Variants in PTPN14 observed in about 807,000 individuals in gnomAD.
PTPN14 encodes the protein protein tyrosine phosphatase non-receptor type 14.
PTPN14 carries 53 observed loss-of-function variants against 126.8 expected under a neutral mutation model. That is an observed-to-expected ratio of 0.42 (90% CI 0.34 to 0.53). The LOEUF (loss-of-function observed/expected upper bound fraction) is 0.53. PTPN14 is among the 20% of genes least tolerant of loss of function. The probability of loss-of-function intolerance (pLI) is 0.08; values close to 1 mark genes in which losing one functional copy is unlikely to be tolerated. For missense variants in PTPN14, 1,257 were observed against 1,552.9 expected, an observed-to-expected ratio of 0.81 and a Z score of 3.20; for synonymous variants, 630 against 599.3, an observed-to-expected ratio of 1.05 and a Z score of -0.75.
At chr1:214,498,550 T>C (rs1258301418) in intron 1 of PTPN14, among the ~76,000 whole-genome samples, 3 of 151,906 alleles carry the variant, frequency 2.0e-5, no homozygotes, top group South Asian at 4.2e-4. Flanking sequence ...AAAAAGAGAA[T>C]CAAATATGAT....
In PTPN14 at chr1:214,551,321, A is replaced by T. The variant is rs1489682461; in HGVS notation, c.-293T>A. The stretch of plus-strand genomic sequence containing the variant: ...AAGGGAAGGAGCCGCAGGAGGCGAA[A>T]GGGGAGGGAGGTTTCCGCCGCGATC... On this transcript the variant is annotated 5_prime_UTR_variant, in exon 1 of 19. Transcript: ENST00000366956. The T allele has an allele frequency of 6.6e-6, 1 of 152,546 alleles. No homozygotes were observed. The highest frequency in any genetic ancestry group is 1.5e-5 in the Non-Finnish European group (1 of 68,324). The allele number at this position is 152,546 out of a possible 1,614,324, so 9.4% of individuals were successfully genotyped here.
intron 1 of PTPN14, among the ~76,000 whole-genome samples, chr1:214,488,261 G>A (rs182727353): frequency 1.3e-5 from 2 of 152,190 alleles, no homozygotes; most frequent in Admixed American, 1.3e-4. Context: ...AGTAATTTGA[G>A]CCACATTTTT....
intron 2 of PTPN14, among the ~76,000 whole-genome samples, chr1:214,460,408 A>AAC (rs150101393): frequency 0.048 from 7,156 of 149,774 alleles, 213 homozygotes; most frequent in South Asian, 0.15. Flanking sequence ...ACACATACAC[A>AAC]ACACACACAC....
chr1:214,446,708 G>GAT (rs546138800), intron 3 of PTPN14, among the ~76,000 whole-genome samples: 109 of 151,526 alleles, frequency 7.2e-4, no homozygotes, highest in African/African-American at 2.4e-3. Flanking sequence ...TATGTGTCTT[G>GAT]ATATATATAT....
chr1:214,509,759 C>T (rs1010470882), intron 1 of PTPN14, among the ~76,000 whole-genome samples: 20 of 152,130 alleles, frequency 1.3e-4, no homozygotes, highest in Non-Finnish European at 1.9e-4. Context: ...CAATGATAGA[C>T]TGGATTAAGA....
At chr1:214,475,874 C>A (rs1660856024) in intron 1 of PTPN14, among the ~76,000 whole-genome samples, 1 of 152,204 alleles carries the variant, frequency 6.6e-6, no homozygotes, top group South Asian at 2.1e-4. Context: ...AGAGCTCCAT[C>A]TGAACCCATG....
chr1:214,385,518 G>A (rs1262126042), intron 12 of PTPN14, among the ~76,000 whole-genome samples: 2 of 151,680 alleles, frequency 1.3e-5, no homozygotes, highest in Admixed American at 1.3e-4. Flanking sequence ...TCTACAATCA[G>A]GCCCAACCTG....
At position 214,383,884 on chromosome 1, in the gene PTPN14, C is replaced by T. The variant is rs761909201; in HGVS notation, c.1971G>A (p.Thr657=). 9.9e-6 allele frequency: 16 copies of T among 1,613,080 alleles called. No homozygotes were observed. Among genetic ancestry groups the T allele is most frequent in the Admixed American group, 5.0e-5 (3 of 60,010 alleles). The change falls in exon 13 of 19, where the codon ACG becomes ACA. Residue 657 remains threonine, a synonymous_variant. Transcript: ENST00000366956. The surrounding 1 kb of genome is among the most constrained non-coding windows in gnomAD (Gnocchi z 4.4). ...NSMVRGMEAM[T]LKSLHLPMAR... is the part of the protein sequence containing the mutation. ...CCATGGGGAGGTGGAGCGACTTGAG[C>T]GTCATGGCCTCCATGCCCCGCACCA...
intron 1 of PTPN14, among the ~76,000 whole-genome samples, chr1:214,501,129 G>A (rs186392890): frequency 6.6e-6 from 1 of 152,214 alleles, no homozygotes; most frequent in African/African-American, 2.4e-5. Flanking sequence ...TCATGGAGCT[G>A]GGTAAAATGC....
intron 12 of PTPN14, among the ~76,000 whole-genome samples, chr1:214,386,371 A>C (rs1658609311): frequency 1.3e-5 from 2 of 152,212 alleles, no homozygotes; most frequent in African/African-American, 4.8e-5. Context: ...AGAGAAGAAA[A>C]AAGCAAGTGT....
Position 214,353,100 on chromosome 1 carries a change from C to T in PTPN14, c.*4822G>A, listed in dbSNP as rs1172595453. On this transcript the variant is annotated 3_prime_UTR_variant, in exon 19 of 19. Transcript: ENST00000366956. The stretch of plus-strand genomic sequence containing the variant: ...CCTGTACCCTCCATCCCCCCAACCC[C>T]CGCACCTCAAGGGATTGACAGATCT... 1 of 152,186 alleles carries T rather than the reference C, an allele frequency of 6.6e-6. No individual in the cohort carries two copies. Among genetic ancestry groups the T allele is most frequent in the African/African-American group, 2.4e-5 (1 of 41,436 alleles). The allele number at this position is 152,186 out of a possible 1,614,324, so 9.4% of individuals were successfully genotyped here.
chr1:214,390,980 A>G lies in PTPN14; in HGVS notation c.987+8T>C. On this transcript the variant is annotated splice_region_variant and intron_variant, in intron 11 of 18. Coordinates refer to ENST00000366956, the MANE Select transcript of PTPN14 (RefSeq NM_005401.5). ...AGATCACTTGATCACTGCAGCTTCTATACATACCAGAGAGGATCGGCTCCA... is the reference window on the plus strand; with the variant it reads ...AGATCACTTGATCACTGCAGCTTCTGTACATACCAGAGAGGATCGGCTCCA... 6.5e-7 allele frequency: 1 copy of G among 1,539,890 alleles called. No individual in the cohort carries two copies. Among genetic ancestry groups the G allele is most frequent in the South Asian group, 1.2e-5 (1 of 82,082 alleles).
intron 2 of PTPN14, among the ~76,000 whole-genome samples, chr1:214,452,413 G>A (rs7354859): frequency 0.12 from 18,821 of 152,124 alleles, 3,925 homozygotes; most frequent in African/African-American, 0.43. Context: ...AGACAAAACC[G>A]CCTGCCAACT....
chr1:214,484,320 C>T (rs1661065265), intron 1 of PTPN14, among the ~76,000 whole-genome samples: 2 of 152,194 alleles, frequency 1.3e-5, no homozygotes, highest in Admixed American at 6.5e-5. Flanking sequence ...AAGAGAATAG[C>T]TTGTATCTGG....
At chr1:214,429,131 T>C (rs561745368) in intron 3 of PTPN14, among the ~76,000 whole-genome samples, 25 of 152,234 alleles carry the variant, frequency 1.6e-4, no homozygotes, top group Non-Finnish European at 2.9e-4. Context: ...CTTAAAGGCA[T>C]GACCATGCTT....
At chr1:214,372,289 T>A (rs779987936) in intron 16 of PTPN14, 9 of 157,560 alleles carry the variant, frequency 5.7e-5, no homozygotes, top group Non-Finnish European at 9.7e-5. Context: ...TGATGGCATG[T>A]GGAGCTGGGT....
At chr1:214,369,786 C>T in intron 16 of PTPN14, 95 bp from the exon 17 acceptor site, 1 of 1,135,046 alleles carries the variant, frequency 8.8e-7, no homozygotes, top group Non-Finnish European at 1.3e-6. Context: ...ATGCAAATAG[C>T]TTCTAAATCG....
chr1:214,421,820 T>G (rs577361846), intron 3 of PTPN14, among the ~76,000 whole-genome samples: 1 of 152,122 alleles, frequency 6.6e-6, no homozygotes, highest in Non-Finnish European at 1.5e-5. Flanking sequence ...CCCTTGCCTA[T>G]CCTCCATTTG....
At chr1:214,500,528 G>T (rs1395542187) in intron 1 of PTPN14, among the ~76,000 whole-genome samples, 1 of 152,100 alleles carries the variant, frequency 6.6e-6, no homozygotes, top group Non-Finnish European at 1.5e-5. Flanking sequence ...CTCTTTTATG[G>T]TTCCAAATAC....
Sources: allele counts gnomAD v4.1 joint callset (sites outside exome capture counted in the v4.1 genomes callset), GRCh38; gene constraint gnomAD v4.1.1; non-coding constraint Gnocchi (gnomAD v3.1); transcripts MANE v1.5; gene names NCBI Gene and HGNC (gene_info 2026-07-23, HGNC 2026-07-21).